The following TTC39B variants were observed in gnomAD, a reference collection of about 807,000 sequenced individuals.
The protein encoded by TTC39B is tetratricopeptide repeat domain 39B.
A neutral mutation model predicts 96.6 loss-of-function variants in TTC39B; 92 were observed. That is an observed-to-expected ratio of 0.95 (90% CI 0.80 to 1.13). The LOEUF (loss-of-function observed/expected upper bound fraction) is 1.13, where lower values mean the gene tolerates loss of function less well. Among genes scored for constraint, TTC39B ranks in the 50% most tolerant of loss-of-function variants. The pLI, the probability that TTC39B is intolerant of heterozygous loss-of-function variation, is 0.00. For synonymous variants in TTC39B, 367 were observed against 299.4 expected (o/e 1.23, Z -2.33); for missense variants, 955 against 809.3 (o/e 1.18, Z -2.18).
At chr9:15,199,664 G>C (rs1196121068) in intron 8 of TTC39B, among the ~76,000 whole-genome samples, 197 bp downstream of exon 8, 1 of 146,744 alleles carries the variant, frequency 6.8e-6, no homozygotes, top group Non-Finnish European at 1.5e-5. Context: ...GAACCTGAGA[G>C]GCGGAGCTTG....
At chr9:15,180,458 G>C (rs969613646) in intron 17 of TTC39B, among the ~76,000 whole-genome samples, 7 of 152,220 alleles carry the variant, frequency 4.6e-5, no homozygotes, top group African/African-American at 1.7e-4. Flanking sequence ...TGTCTTCAAA[G>C]TTCTATCTTT....
chr9:15,289,409 G>A (rs142009155), intron 1 of TTC39B, among the ~76,000 whole-genome samples: 2 of 152,286 alleles, frequency 1.3e-5, no homozygotes, highest in Non-Finnish European at 2.9e-5. Flanking sequence ...ATGCAAATAA[G>A]TATTTAAAGT....
At chr9:15,209,834 T>C (rs116190506) in intron 6 of TTC39B, among the ~76,000 whole-genome samples, 96 of 152,100 alleles carry the variant, frequency 6.3e-4, no homozygotes, top group African/African-American at 2.2e-3. Flanking sequence ...TGTGATTCTA[T>C]GCTTGCAAAA....
chr9:15,224,687 T>A (rs956071336), intron 3 of TTC39B, among the ~76,000 whole-genome samples: 99 of 152,340 alleles, frequency 6.5e-4, no homozygotes, highest in Non-Finnish European at 1.0e-4. Flanking sequence ...GATACAGTAG[T>A]TACTTAGGAA....
rs571959730 is a variant in TTC39B, at chr9:15,234,577, C to A, written c.276-8565G>T. Reference sequence around the variant, plus strand: ...GGCCATGATGACAATGGCGGTTTTGCGGAATAGAAAGAGGGGAAAGGTGGG... The same window carrying A: ...GGCCATGATGACAATGGCGGTTTTGAGGAATAGAAAGAGGGGAAAGGTGGG... On this transcript the variant is annotated intron_variant, in intron 2 of 19. Coordinates refer to ENST00000512701, the Ensembl canonical transcript of TTC39B. Among the ~76,000 whole-genome samples the A allele has an allele frequency of 2.0e-4, 30 of 152,052 alleles. 1 individual carries two copies. In the South Asian group the frequency reaches 4.6e-3, roughly 23 times the overall value.
At chr9:15,204,465 G>A (rs1387483454) in intron 6 of TTC39B, among the ~76,000 whole-genome samples, 2 of 151,748 alleles carry the variant, frequency 1.3e-5, no homozygotes, top group Non-Finnish European at 2.9e-5. Context: ...GGAGGTGGAG[G>A]TTGCAGTGAG....
chr9:15,271,334 G>A (rs929448337), intron 1 of TTC39B, among the ~76,000 whole-genome samples: 4 of 152,184 alleles, frequency 2.6e-5, no homozygotes, highest in African/African-American at 9.7e-5. Flanking sequence ...TGGCGAAAAA[G>A]ACTACCTCAA....
chr9:15,280,182 G>A (rs1823706402), intron 1 of TTC39B, among the ~76,000 whole-genome samples: 1 of 152,244 alleles, frequency 6.6e-6, no homozygotes, highest in Middle Eastern at 3.4e-3. Context: ...ACAGGTGTGA[G>A]CCACCGTGCC....
intron 7 of TTC39B, among the ~76,000 whole-genome samples, chr9:15,201,406 G>C (rs568894660): frequency 6.6e-6 from 1 of 152,286 alleles, no homozygotes; most frequent in African/African-American, 2.4e-5. Flanking sequence ...AGGGAGCCAT[G>C]CACGGGGACG....
chr9:15,240,671 T>A (rs1821997817), intron 2 of TTC39B, among the ~76,000 whole-genome samples: 1 of 152,172 alleles, frequency 6.6e-6, no homozygotes, highest in Non-Finnish European at 1.5e-5. Flanking sequence ...CTCAAAATAG[T>A]TATCTAAGAA....
exon 20 of TTC39B, chr9:15,169,217 C>T (rs1365454597): frequency 6.6e-6 from 1 of 152,186 alleles, no homozygotes; most frequent in Non-Finnish European, 1.5e-5. Context: ...TTTCTGCCCT[C>T]TGAGGATAAA....
intron 13 of TTC39B, among the ~76,000 whole-genome samples, chr9:15,188,866 A>G (rs1469924199): frequency 1.3e-5 from 2 of 152,114 alleles, no homozygotes; most frequent in Non-Finnish European, 2.9e-5. Flanking sequence ...CTATAAATGT[A>G]CCTGTGCACA....
chr9:15,257,695 G>A lies in TTC39B; in HGVS notation c.275+10219C>T, dbSNP rs142386034. Among the ~76,000 whole-genome samples, 841 of 151,530 alleles carry A rather than the reference G, an allele frequency of 5.6e-3. 4 individuals carry two copies. Among genetic ancestry groups the A allele is most frequent in the African/African-American group, 0.019 (795 of 41,478 alleles). ...ACTCCTGGGCTCAAGCAATCCACCCGTTTTGGCCTCCCAAAGTGCTGGGAT... is the reference window on the plus strand; with the variant it reads ...ACTCCTGGGCTCAAGCAATCCACCCATTTTGGCCTCCCAAAGTGCTGGGAT... On this transcript the variant is annotated intron_variant, in intron 2 of 19. Coordinates refer to ENST00000512701, the Ensembl canonical transcript of TTC39B.
At chr9:15,307,008 GC>G (rs1366563693) in intron 1 of TTC39B, 75 bp downstream of exon 1, 5 of 1,557,708 alleles carry the variant, frequency 3.2e-6, no homozygotes, top group Non-Finnish European at 4.3e-6. Context: ...GGCCGTCCTA[GC>G]CGGGCTCACT....
At chr9:15,206,199 T>C (rs1196402646) in intron 6 of TTC39B, among the ~76,000 whole-genome samples, 6 of 152,004 alleles carry the variant, frequency 3.9e-5, no homozygotes, top group Middle Eastern at 3.2e-3. Flanking sequence ...TGCATTTAAA[T>C]ATCTGTTTGT....
intron 2 of TTC39B, among the ~76,000 whole-genome samples, chr9:15,252,089 T>G (rs1453516124): frequency 6.6e-6 from 1 of 152,146 alleles, no homozygotes; most frequent in Non-Finnish European, 1.5e-5. Context: ...TGAAAAGACC[T>G]GGTGTTGTGA....
chr9:15,199,786 T>C (rs866499768), intron 8 of TTC39B, 75 bp downstream of exon 8: 1 of 451,460 alleles, frequency 2.2e-6, no homozygotes, highest in Middle Eastern at 3.5e-4. Flanking sequence ...CAAACTTAAT[T>C]TAGGAGAACT....
In TTC39B at chr9:15,305,351, C is replaced by A. The variant is rs184604156; in HGVS notation, c.240+1733G>T. 5.9e-5 allele frequency among the ~76,000 whole-genome samples: 9 copies of A among 152,308 alleles called. No individual in the cohort carries two copies. In the East Asian group the frequency reaches 1.7e-3, roughly 29 times the overall value. On this transcript the variant is annotated intron_variant, in intron 1 of 19. Coordinates refer to ENST00000512701, the Ensembl canonical transcript of TTC39B. ...GAGCCCAAAGTAAATGCTCAATAAA[C>A]GCTTGCTCAGTTTATAGCAATGGAA...
chr9:15,291,621 G>A (rs574014707), intron 1 of TTC39B, among the ~76,000 whole-genome samples: 4 of 152,326 alleles, frequency 2.6e-5, no homozygotes, highest in Non-Finnish European at 5.9e-5. Context: ...CCTTAAGACA[G>A]CTGCTATTTA....
Sources: allele counts gnomAD v4.1 joint callset (sites outside exome capture counted in the v4.1 genomes callset), GRCh38; gene constraint gnomAD v4.1.1; transcripts MANE v1.5; gene names NCBI Gene and HGNC (gene_info 2026-07-23, HGNC 2026-07-21).